Variants in DSTYK observed in about 807,000 individuals in gnomAD.
DSTYK encodes dual serine/threonine and tyrosine protein kinase, also known as RIP-homologous kinase.
In DSTYK, 34 loss-of-function variants were observed where a neutral mutation model predicts 98.7. The ratio of observed to expected loss-of-function variants is 0.34; its 90% CI spans 0.26 to 0.46. The LOEUF (loss-of-function observed/expected upper bound fraction) is 0.46, where lower values mean the gene tolerates loss of function less well. Among genes scored for constraint, DSTYK ranks in the 20% least tolerant of loss-of-function variants. DSTYK has a pLI of 1.00. For missense variants in DSTYK, 962 were observed against 1,181.7 expected (o/e 0.81, Z 2.73); for synonymous variants, 462 against 457.3 (o/e 1.01, Z -0.13).
chr1:205,199,625 C>T (rs1658966632), intron 1 of DSTYK, among the ~76,000 whole-genome samples: 2 of 152,270 alleles, frequency 1.3e-5, no homozygotes, highest in South Asian at 4.2e-4. Context: ...TGAGACTGGA[C>T]ATCCTCCCAC....
chr1:205,168,089 G>C (rs748528292), intron 3 of DSTYK, among the ~76,000 whole-genome samples: 14 of 152,306 alleles, frequency 9.2e-5, no homozygotes, highest in Non-Finnish European at 1.6e-4. Flanking sequence ...CTGGGCGACA[G>C]AGCGAGACTT....
intron 1 of DSTYK, among the ~76,000 whole-genome samples, chr1:205,205,892 C>G (rs1659184359): frequency 6.6e-6 from 1 of 152,196 alleles, no homozygotes; most frequent in Non-Finnish European, 1.5e-5. Context: ...TAAAAAAAAC[C>G]TGAGAATTAT....
chr1:205,193,541 C>G (rs1354267016), intron 1 of DSTYK, among the ~76,000 whole-genome samples: 1 of 152,070 alleles, frequency 6.6e-6, no homozygotes. Flanking sequence ...AAGCTACTCA[C>G]AGAAACCAGA....
At chr1:205,175,487 T>A (rs1473487574) in intron 2 of DSTYK, among the ~76,000 whole-genome samples, 1 of 152,196 alleles carries the variant, frequency 6.6e-6, no homozygotes, top group Non-Finnish European at 1.5e-5. Flanking sequence ...TTGACCAACA[T>A]GTGCAGTTGG....
At chr1:205,179,792 A>C (rs939108258) in intron 2 of DSTYK, among the ~76,000 whole-genome samples, 1 of 152,110 alleles carries the variant, frequency 6.6e-6, no homozygotes, top group African/African-American at 2.4e-5. Flanking sequence ...AAAAGAAAAT[A>C]TTGTTAATAG....
rs565504440 is a variant in DSTYK at position 205,195,820 on chromosome 1, C to T, written c.266-8014G>A. On this transcript the variant is annotated intron_variant, in intron 1 of 12. Transcript: ENST00000367162. ...GGGAGCCACGTGAAATGGGAACGCA[C>T]TCAGCAGCATGCTGAACAAGCTCCT... Among the ~76,000 whole-genome samples the T allele has an allele frequency of 2.5e-4, 38 of 152,352 alleles. No homozygotes were observed. The East Asian group carries it at 7.3e-3, about 29-fold the overall frequency.
rs767328291 is a variant in DSTYK, at chr1:205,169,586, ATC to A, written c.899_900del (p.Arg300IlefsTer9). 1 of 1,614,080 alleles carries A rather than the reference ATC, an allele frequency of 6.2e-7. No homozygotes were observed. The highest frequency in any genetic ancestry group is 1.3e-5 in the African/African-American group (1 of 74,932). On this transcript the variant is annotated frameshift_variant, in exon 3 of 13. Coordinates refer to ENST00000367162, the MANE Select transcript of DSTYK (RefSeq NM_015375.3). LOFTEE classifies it high-confidence loss of function. The surrounding 1 kb of genome is among the most constrained non-coding windows in gnomAD (Gnocchi z 4.0). ...TCAATTAGCTGGCGATAAAGCGGTG[ATC>A]TTTCGCTCTCCATTCTCCTGGTTGA... ...DSSTRRMESE[R>X]SPLYRQLIDL...
intron 1 of DSTYK, among the ~76,000 whole-genome samples, chr1:205,194,350 AC>A (rs1658799589): frequency 6.6e-6 from 1 of 152,210 alleles, no homozygotes; most frequent in African/African-American, 2.4e-5. Flanking sequence ...CTCTTAAGGT[AC>A]AGTCTATGTC....
intron 1 of DSTYK, among the ~76,000 whole-genome samples, chr1:205,209,744 T>G (rs1659314984): frequency 6.6e-6 from 1 of 151,360 alleles, no homozygotes; most frequent in Admixed American, 6.6e-5. Flanking sequence ...CGCAAAACTT[T>G]GGGAATATAA....
Position 205,147,581 on chromosome 1 carries a change from TGTTTGGCTGCTCA to T in DSTYK, c.2754_2766del (p.Gln920AspfsTer2). 6.2e-7 allele frequency: 1 copy of T among 1,612,090 alleles called. No homozygotes were observed. Among genetic ancestry groups the T allele is most frequent in the South Asian group, 1.1e-5 (1 of 91,050 alleles). ...TTTCAAGTAGAATCATCTAGTCCTC[TGTTTGGCTGCTCA>T]GAATTGGACTTGCAGAGCCGATTCA... On this transcript the variant is annotated frameshift_variant, in exon 13 of 13. Transcript: ENST00000367162. LOFTEE classifies it high-confidence loss of function.
chr1:205,198,201 A>G (rs899978674), intron 1 of DSTYK, among the ~76,000 whole-genome samples: 3 of 148,616 alleles, frequency 2.0e-5, no homozygotes, highest in Non-Finnish European at 4.5e-5. Context: ...CTCAAAAAAA[A>G]AAGAAAGAAA....
chr1:205,171,366 G>A (rs1464540023), intron 2 of DSTYK, among the ~76,000 whole-genome samples: 1 of 151,512 alleles, frequency 6.6e-6, no homozygotes, highest in African/African-American at 2.4e-5. Context: ...CAGGAGAACG[G>A]CTTGAACCCA....
At chr1:205,173,561 A>G (rs1488726226) in intron 2 of DSTYK, among the ~76,000 whole-genome samples, 1 of 152,172 alleles carries the variant, frequency 6.6e-6, no homozygotes, top group Non-Finnish European at 1.5e-5. Flanking sequence ...TCAAAACCAA[A>G]GTATTGTTTA....
chr1:205,174,857 C>T (rs1441865767), intron 2 of DSTYK, among the ~76,000 whole-genome samples: 2 of 148,758 alleles, frequency 1.3e-5, no homozygotes, highest in Non-Finnish European at 3.0e-5. Flanking sequence ...CCTGCCTCAG[C>T]GTCTCGAGTA....
At chr1:205,173,383 AC>A (rs1423439804) in intron 2 of DSTYK, 3 of 133,492 alleles carry the variant, frequency 2.2e-5, no homozygotes, top group Non-Finnish European at 4.9e-5. Flanking sequence ...ACAGAATGAG[AC>A]TGTCTCAAAA....
chr1:205,196,017 CAGTTTAT>C (rs1438891686), intron 1 of DSTYK, among the ~76,000 whole-genome samples: 1 of 152,204 alleles, frequency 6.6e-6, no homozygotes, highest in East Asian at 1.9e-4. Flanking sequence ...CAGTGTATAA[CAGTTTAT>C]AAGCATTACC....
At position 205,150,337 on chromosome 1, in the gene DSTYK, CTA is replaced by C. The variant is rs1189356936; in HGVS notation, c.2467+341_2467+342del. Among the ~76,000 whole-genome samples, 1 of 152,120 alleles carries C rather than the reference CTA, an allele frequency of 6.6e-6. No individual in the cohort carries two copies. Among genetic ancestry groups the C allele is most frequent in the Non-Finnish European group, 1.5e-5 (1 of 68,020 alleles). On this transcript the variant is annotated intron_variant, in intron 11 of 12. Transcript: ENST00000367162. The surrounding 1 kb of genome is among the most constrained non-coding windows in gnomAD (Gnocchi z 4.1). The stretch of plus-strand genomic sequence containing the variant: ...TCCTATTTTACCTCTTAATATATCT[CTA>C]TGTCAACGGTAAGTTCTTTAATGAT...
At chr1:205,201,964 G>A (rs1659053029) in intron 1 of DSTYK, among the ~76,000 whole-genome samples, 1 of 152,116 alleles carries the variant, frequency 6.6e-6, no homozygotes, top group African/African-American at 2.4e-5. Flanking sequence ...GAAGGCTGAG[G>A]CAGGAGAATT....
chr1:205,160,345 T>TG, intron 7 of DSTYK, 75 bp from the exon 8 acceptor site: 1 of 1,439,100 alleles, frequency 6.9e-7, no homozygotes, highest in South Asian at 1.3e-5. Flanking sequence ...ATTCTTTTTT[T>TG]TTTTTTTTGA....
Sources: gnomAD v4.1 joint callset for allele counts (sites outside exome capture counted in the v4.1 genomes callset) on GRCh38, gnomAD v4.1.1 for gene constraint, Gnocchi (gnomAD v3.1) non-coding constraint, MANE v1.5 for transcripts, NCBI Gene and HGNC (gene_info 2026-07-23, HGNC 2026-07-21) for gene names.